COPS2: variants seen among roughly 807,000 people sequenced by gnomAD.
COPS2 encodes the protein COP9 signalosome subunit 2, also known as COP9 signalosome complex subunit 2.
A neutral mutation model predicts 66.1 loss-of-function variants in COPS2; 10 were observed. The ratio of observed to expected loss-of-function variants is 0.15; its 90% confidence interval spans 0.09 to 0.26. The LOEUF is 0.26. COPS2 is among the 10% of genes least tolerant of loss of function. COPS2 has a pLI of 1.00. For missense variants in COPS2, 215 were observed against 513.3 expected (o/e 0.42, Z 5.62); for synonymous variants, 179 against 171.3 (o/e 1.04, Z -0.35).
chr15:49,135,635 A>G (rs2084245338), intron 6 of COPS2, among the ~76,000 whole-genome samples: 1 of 152,214 alleles, frequency 6.6e-6, no homozygotes, highest in Non-Finnish European at 1.5e-5. Flanking sequence ...AAAAATAGCA[A>G]TATGATCAAC....
chr15:49,140,891 C>T (rs3088333), intron 3 of COPS2, among the ~76,000 whole-genome samples: 28,318 of 151,668 alleles, frequency 0.19, 2,796 homozygotes, highest in Non-Finnish European at 0.21. Flanking sequence ...ACATTCTGCC[C>T]TGAGGCACAG....
chr15:49,143,815 T>C (rs1462885244), intron 3 of COPS2, among the ~76,000 whole-genome samples: 1 of 152,004 alleles, frequency 6.6e-6, no homozygotes, highest in African/African-American at 2.4e-5. Flanking sequence ...TGAAAGCCCG[T>C]CTCTTCTAAA....
At chr15:49,146,066 TTC>T (rs2084319086) in intron 1 of COPS2, among the ~76,000 whole-genome samples, 1 of 152,148 alleles carries the variant, frequency 6.6e-6, no homozygotes, top group East Asian at 1.9e-4. Flanking sequence ...TTATGAAAAA[TTC>T]TGTTACAGTC....
intron 8 of COPS2, 39 bp from the exon 9 acceptor site, chr15:49,133,850 AG>A (rs1319058458): frequency 1.3e-6 from 2 of 1,552,504 alleles, no homozygotes; most frequent in Non-Finnish European, 1.7e-6. Flanking sequence ...ATATGTACAA[AG>A]AAACAACATT....
chr15:49,140,339 A>G (rs1278389831), intron 3 of COPS2, among the ~76,000 whole-genome samples: 1 of 152,114 alleles, frequency 6.6e-6, no homozygotes, highest in Non-Finnish European at 1.5e-5. Context: ...TATGCAGGAT[A>G]TTAGCTATAT....
chr15:49,144,214 A>C lies in COPS2; in HGVS notation c.246+13T>G, dbSNP rs1437239208. On this transcript the variant is annotated intron_variant, in intron 3 of 12. Coordinates refer to ENST00000388901, the MANE Select transcript of COPS2 (RefSeq NM_004236.4). ...AAATTTATTAGTTTAATTCCCCTCA[A>C]AACAAATCTTACCAACTTGAAGTTA... 6.4e-7 allele frequency: 1 copy of C among 1,570,606 alleles called. No individual in the cohort carries two copies. The highest frequency in any genetic ancestry group is 2.2e-5 in the East Asian group (1 of 44,506).
chr15:49,134,154 A>C, intron 7 of COPS2, 46 bp from the exon 8 acceptor site: 1 of 1,527,172 alleles, frequency 6.5e-7, no homozygotes, highest in Non-Finnish European at 8.9e-7. Flanking sequence ...TCAGTTCTGT[A>C]ATAACAAAAC....
chr15:49,140,989 C>CAA (rs35853072), intron 3 of COPS2, among the ~76,000 whole-genome samples: 6 of 98,550 alleles, frequency 6.1e-5, no homozygotes, highest in African/African-American at 2.2e-4. Flanking sequence ...GTGGATGGGA[C>CAA]AAAAAAAAAA....
In COPS2 at chr15:49,127,707, G is replaced by C. The variant is rs528133256; in HGVS notation, c.*243C>G. 230 of 373,868 alleles carry C rather than the reference G, an allele frequency of 6.2e-4. No individual in the cohort carries two copies. The highest frequency in any genetic ancestry group is 9.8e-4 in the Non-Finnish European group (205 of 208,682). The allele number at this position is 373,868 out of a possible 1,614,324, so 23.2% of individuals were successfully genotyped here. ...AATTACTATGATGTTGTACGTTTAG[G>C]GCAAGATGTCAATACAGCATAAATC... On this transcript the variant is annotated 3_prime_UTR_variant, in exon 13 of 13. Coordinates refer to ENST00000388901, the MANE Select transcript of COPS2 (RefSeq NM_004236.4).
At chr15:49,131,281 A>G (rs1201773934) in intron 9 of COPS2, among the ~76,000 whole-genome samples, 1 of 152,062 alleles carries the variant, frequency 6.6e-6, no homozygotes, top group African/African-American at 2.4e-5. Flanking sequence ...TGTGTAGGTT[A>G]TTCAGAAAAT....
At chr15:49,150,083 T>A (rs1387303881) in intron 1 of COPS2, among the ~76,000 whole-genome samples, 1 of 151,126 alleles carries the variant, frequency 6.6e-6, no homozygotes, top group Non-Finnish European at 1.5e-5. Flanking sequence ...TCACCAGGAG[T>A]TCGAGACCAG....
chr15:49,125,859 G>C lies in COPS2; in HGVS notation c.*2091C>G, dbSNP rs187443287. On this transcript the variant is annotated 3_prime_UTR_variant, in exon 13 of 13. Coordinates refer to ENST00000388901, the MANE Select transcript of COPS2 (RefSeq NM_004236.4). The stretch of plus-strand genomic sequence containing the variant: ...GTGCATGCTTTCTCTCTAGAAAGTG[G>C]AAGATGCACTATTGTACAAAGCAAA... The C allele has an allele frequency of 2.6e-5, 4 of 152,214 alleles. No individual in the cohort carries two copies. In the East Asian group the frequency reaches 7.7e-4, roughly 29 times the overall value. The allele number at this position is 152,214 out of a possible 1,614,324, so 9.4% of individuals were successfully genotyped here. A position where few individuals can be genotyped will look rare whatever the true frequency, so the allele number is the denominator to read the frequency against.
At position 49,127,924 on chromosome 15, in the gene COPS2, G is replaced by A. The variant is rs2084180223; in HGVS notation, c.*26C>T. On this transcript the variant is annotated 3_prime_UTR_variant, in exon 13 of 13. Transcript: ENST00000388901. ...TTACATCTCTGCACTGTTGCCTTAAGGACGTCTGTAAAAGCTTGTTCTCTG... is the reference window on the plus strand; with the variant it reads ...TTACATCTCTGCACTGTTGCCTTAAAGACGTCTGTAAAAGCTTGTTCTCTG... 1.9e-6 allele frequency: 3 copies of A among 1,612,048 alleles called. No individual in the cohort carries two copies. Among genetic ancestry groups the A allele is most frequent in the Non-Finnish European group, 2.5e-6 (3 of 1,178,794 alleles).
At chr15:49,137,100 CTTTTT>C in intron 6 of COPS2, 45 bp downstream of exon 6, 1 of 1,145,100 alleles carries the variant, frequency 8.7e-7, no homozygotes, top group Non-Finnish European at 1.2e-6. Flanking sequence ...ATTGCTTATA[CTTTTT>C]TTTTATTATG....
chr15:49,154,785 C>T (rs1017880149), intron 1 of COPS2, among the ~76,000 whole-genome samples: 2 of 152,184 alleles, frequency 1.3e-5, no homozygotes, highest in African/African-American at 4.8e-5. Context: ...TATTTCTATG[C>T]TGTTGCTGTT....
chr15:49,151,990 T>C (rs1159497363), intron 1 of COPS2, among the ~76,000 whole-genome samples: 1 of 151,994 alleles, frequency 6.6e-6, no homozygotes, highest in Non-Finnish European at 1.5e-5. Flanking sequence ...TGTTAAAATA[T>C]ATCATTGGAC....
chr15:49,129,386 C>G (rs2084193241), intron 11 of COPS2, 91 bp downstream of exon 11: 7 of 445,106 alleles, frequency 1.6e-5, no homozygotes. Context: ...TAAAATGTTA[C>G]CAAGTTAGAG....
At chr15:49,129,005 A>G (rs527899291) in intron 11 of COPS2, among the ~76,000 whole-genome samples, 3 of 152,328 alleles carry the variant, frequency 2.0e-5, no homozygotes, top group East Asian at 3.9e-4. Context: ...ACCCTTCATC[A>G]ATTACATATT....
rs569154998 is a variant in COPS2, at chr15:49,149,421, T to C, written c.55-4343A>G. Among the ~76,000 whole-genome samples the C allele has an allele frequency of 4.6e-5, 7 of 152,264 alleles. No homozygotes were observed. The South Asian group carries it at 1.5e-3, about 32-fold the overall frequency. On this transcript the variant is annotated intron_variant, in intron 1 of 12. Coordinates refer to ENST00000388901, the MANE Select transcript of COPS2 (RefSeq NM_004236.4). The stretch of plus-strand genomic sequence containing the variant: ...GCATCACTCTTCTTAGCAAACTAAA[T>C]TTTTTTTCTCAGTCATGCTTCCATA...
Sources: gnomAD v4.1 joint callset for allele counts (sites outside exome capture counted in the v4.1 genomes callset) on GRCh38, gnomAD v4.1.1 for gene constraint, MANE v1.5 for transcripts, NCBI Gene and HGNC (gene_info 2026-07-23, HGNC 2026-07-21) for gene names.